Variants in TMCC1 observed in about 807,000 individuals in gnomAD.
The protein encoded by TMCC1 is transmembrane and coiled-coil domains protein 1.
In TMCC1, 15 loss-of-function variants were observed where a neutral mutation model predicts 52.4. The ratio of observed to expected loss-of-function variants is 0.29; its 90% confidence interval spans 0.19 to 0.44. The LOEUF is 0.44. Ranked by LOEUF, TMCC1 falls within the 20% of genes least tolerant of loss-of-function variation. The pLI is 1.00. For missense variants in TMCC1, 503 were observed against 806.0 expected, an observed-to-expected ratio of 0.62 and a Z score of 4.55; for synonymous variants, 279 against 301.9, an observed-to-expected ratio of 0.92 and a Z score of 0.79.
At chr3:129,714,212 T>G (rs936780891) in intron 4 of TMCC1, among the ~76,000 whole-genome samples, 1 of 152,194 alleles carries the variant, frequency 6.6e-6, no homozygotes, top group Non-Finnish European at 1.5e-5. Context: ...CAAACATATT[T>G]GTATGTATCT....
Position 129,828,428 on chromosome 3 carries a change from C to T in TMCC1, c.-50G>A, listed in dbSNP as rs561992846. On this transcript the variant is annotated 5_prime_UTR_variant, in exon 4 of 7. The change creates a new upstream start codon in the 5' untranslated region. Coordinates refer to ENST00000393238, the MANE Select transcript of TMCC1 (RefSeq NM_001017395.5). The surrounding 1 kb of genome is among the most constrained non-coding windows in gnomAD (Gnocchi z 4.1). ...CAAACTCAAAAAAATTTTTTAAACA[C>T]ACCAAGAGTGTCAAATTAGGTAGGC... 6.7e-5 allele frequency: 103 copies of T among 1,546,382 alleles called. No individual in the cohort carries two copies. Among genetic ancestry groups the T allele is most frequent in the Non-Finnish European group, 7.4e-5 (84 of 1,141,708 alleles).
At chr3:129,819,441 A>G (rs74788708) in intron 4 of TMCC1, among the ~76,000 whole-genome samples, 213 of 152,370 alleles carry the variant, frequency 1.4e-3, no homozygotes, top group African/African-American at 5.0e-3. Flanking sequence ...TTTTACTAAC[A>G]GTCTCAAAAT....
At chr3:129,780,396 T>C (rs1036404748) in intron 4 of TMCC1, among the ~76,000 whole-genome samples, 21 of 152,086 alleles carry the variant, frequency 1.4e-4, no homozygotes, top group Non-Finnish European at 2.8e-4. Context: ...AATTTCTCTT[T>C]GGCATTTGAC....
intron 5 of TMCC1, among the ~76,000 whole-genome samples, chr3:129,661,968 A>G (rs2087068047): frequency 2.0e-5 from 3 of 152,224 alleles, no homozygotes; most frequent in Admixed American, 2.0e-4. Context: ...TAAATTCTAA[A>G]ATGGAGAAAC....
At chr3:129,861,202 A>C (rs919053599) in intron 2 of TMCC1, among the ~76,000 whole-genome samples, 1 of 152,096 alleles carries the variant, frequency 6.6e-6, no homozygotes, top group Non-Finnish European at 1.5e-5. Context: ...GCACTTTGGG[A>C]GGCCGAGGCG....
chr3:129,859,712 G>C (rs1286646671), intron 2 of TMCC1, among the ~76,000 whole-genome samples: 1 of 151,292 alleles, frequency 6.6e-6, no homozygotes, highest in Non-Finnish European at 1.5e-5. Flanking sequence ...ATGAATTCAT[G>C]GTCTAGGAAA....
At chr3:129,729,940 T>C (rs888542210) in intron 4 of TMCC1, among the ~76,000 whole-genome samples, 4 of 152,142 alleles carry the variant, frequency 2.6e-5, no homozygotes, top group Admixed American at 2.0e-4. Context: ...AAGACCAGCC[T>C]GGCCAACGAG....
At chr3:129,744,492 C>G (rs2051748831) in intron 4 of TMCC1, among the ~76,000 whole-genome samples, 1 of 151,948 alleles carries the variant, frequency 6.6e-6, no homozygotes, top group African/African-American at 2.4e-5. Context: ...TGCTATGTTG[C>G]CCAGGCTGGT....
At chr3:129,765,536 A>G (rs2054055443) in intron 4 of TMCC1, among the ~76,000 whole-genome samples, 2 of 152,178 alleles carry the variant, frequency 1.3e-5, no homozygotes. Flanking sequence ...AATCACTTTT[A>G]TAAATTATGT....
chr3:129,814,470 A>G (rs942718953), intron 4 of TMCC1, among the ~76,000 whole-genome samples: 22 of 152,192 alleles, frequency 1.4e-4, no homozygotes, highest in African/African-American at 5.3e-4. Flanking sequence ...CCACAAAGAC[A>G]ATAGTAAAAA....
Position 129,880,498 on chromosome 3 carries a change from A to G in TMCC1, c.-373T>C, listed in dbSNP as rs2061411243. The stretch of plus-strand genomic sequence containing the variant: ...ATCTTGTGACCAAAGGCAACTGTTC[A>G]CCGAGCGTCAGCATCTGAAGAAAGT... On this transcript the variant is annotated 5_prime_UTR_variant, in exon 2 of 7. Transcript: ENST00000393238. The G allele has an allele frequency of 6.6e-6, 1 of 152,236 alleles. No homozygotes were observed. The highest frequency in any genetic ancestry group is 2.1e-4 in the South Asian group (1 of 4,834). The allele number at this position is 152,236 out of a possible 1,614,324, so 9.4% of individuals were successfully genotyped here.
intron 4 of TMCC1, among the ~76,000 whole-genome samples, chr3:129,711,611 G>A (rs1427237640): frequency 2.0e-5 from 3 of 152,008 alleles, no homozygotes; most frequent in African/African-American, 2.4e-5. Context: ...TTGGAAGGCC[G>A]AGGTGGGTGG....
At chr3:129,747,936 A>C (rs1251208976) in intron 4 of TMCC1, among the ~76,000 whole-genome samples, 2 of 152,222 alleles carry the variant, frequency 1.3e-5, no homozygotes, top group Non-Finnish European at 2.9e-5. Flanking sequence ...AACTGAATAC[A>C]ATCCAGGAAA....
At chr3:129,673,884 A>G (rs865943274) in intron 4 of TMCC1, among the ~76,000 whole-genome samples, 1 of 152,194 alleles carries the variant, frequency 6.6e-6, no homozygotes, top group Non-Finnish European at 1.5e-5. Flanking sequence ...TATGCTGCAT[A>G]ATGACATTTC....
At position 129,842,399 on chromosome 3, in the gene TMCC1, G is replaced by C. The variant is rs574181386; in HGVS notation, c.-183-9573C>G. ...GGGAATCACTGCAACTTGGGAGGTA[G>C]AAGTTGCAGTGAGCAGAGATCGTGC... On this transcript the variant is annotated intron_variant, in intron 2 of 6. Coordinates refer to ENST00000393238, the MANE Select transcript of TMCC1 (RefSeq NM_001017395.5). Among the ~76,000 whole-genome samples the C allele has an allele frequency of 3.9e-5, 6 of 152,162 alleles. No individual in the cohort carries two copies. In the South Asian group the frequency reaches 1.2e-3, roughly 32 times the overall value.
chr3:129,877,926 G>GCC (rs1400482690), intron 2 of TMCC1, among the ~76,000 whole-genome samples: 1 of 150,146 alleles, frequency 6.7e-6, no homozygotes, highest in South Asian at 2.1e-4. Context: ...GTGAGCCACC[G>GCC]TGACCAGCTT....
chr3:129,851,833 AT>A (rs1225530648), intron 2 of TMCC1, among the ~76,000 whole-genome samples: 1 of 152,192 alleles, frequency 6.6e-6, no homozygotes, highest in Non-Finnish European at 1.5e-5. Flanking sequence ...TATACATACC[AT>A]GGAATGTTAT....
intron 5 of TMCC1, among the ~76,000 whole-genome samples, chr3:129,660,299 C>T (rs969472304): frequency 6.6e-6 from 1 of 152,106 alleles, no homozygotes; most frequent in Non-Finnish European, 1.5e-5. Context: ...AGGCATGTGC[C>T]ACCACGCCCG....
intron 2 of TMCC1, among the ~76,000 whole-genome samples, chr3:129,845,440 C>G (rs2059619057): frequency 6.6e-6 from 1 of 152,118 alleles, no homozygotes; most frequent in Admixed American, 6.5e-5. Context: ...TTTTTACTCC[C>G]ATGAGTATAC....
Sources: gnomAD v4.1 joint callset for allele counts (sites outside exome capture counted in the v4.1 genomes callset) on GRCh38, gnomAD v4.1.1 for gene constraint, Gnocchi (gnomAD v3.1) non-coding constraint, MANE v1.5 for transcripts, NCBI Gene and HGNC (gene_info 2026-07-23, HGNC 2026-07-21) for gene names.